The following FCRL3 variants were observed in gnomAD, a reference collection of about 807,000 sequenced individuals.
The protein encoded by FCRL3 is Fc receptor-like protein 3.
A neutral mutation model predicts 75.0 loss-of-function variants in FCRL3; 89 were observed. The observed-to-expected ratio is 1.19, with a 90% CI of 1.00 to 1.42. The LOEUF is 1.42. FCRL3 is among the 40% of genes most tolerant of loss of function. The pLI, the probability that FCRL3 is intolerant of heterozygous loss-of-function variation, is 0.00. For synonymous variants in FCRL3, 376 were observed against 348.5 expected (o/e 1.08, Z -0.88); for missense variants, 946 against 880.0 (o/e 1.07, Z -0.95).
intron 10 of FCRL3, among the ~76,000 whole-genome samples, chr1:157,689,382 T>C (rs1279614978): frequency 6.6e-6 from 1 of 152,236 alleles, no homozygotes; most frequent in African/African-American, 2.4e-5. Context: ...AATTGAATTT[T>C]TAATCTCATT....
chr1:157,699,542 A>C, intron 3 of FCRL3, 150 bp downstream of exon 3: 1 of 630,458 alleles, frequency 1.6e-6, no homozygotes, highest in Non-Finnish European at 2.6e-6. Context: ...AAGTCGGAGG[A>C]GGCTCTGTTC....
At chr1:157,683,834 C>T (rs983271696) in intron 10 of FCRL3, among the ~76,000 whole-genome samples, 12 of 152,178 alleles carry the variant, frequency 7.9e-5, no homozygotes, top group African/African-American at 2.9e-4. Flanking sequence ...TATCTTTCTT[C>T]CAGAGCTGTC....
intron 10 of FCRL3, among the ~76,000 whole-genome samples, chr1:157,685,932 A>G (rs770547324): frequency 6.6e-6 from 1 of 152,134 alleles, no homozygotes; most frequent in Admixed American, 6.6e-5. Flanking sequence ...CATGTCCACT[A>G]TCACTACGCC....
Position 157,678,202 on chromosome 1 carries a change from C to A in FCRL3, c.*508G>T, listed in dbSNP as rs1329363160. ...AAAAATACACTTCAGATAGAGTCAC[C>A]TTAAATTCTTGTTCTATAACTTCTT... On this transcript the variant is annotated 3_prime_UTR_variant, in exon 15 of 15. Transcript: ENST00000368184. 3 of 987,186 alleles carry A rather than the reference C, an allele frequency of 3.0e-6. No homozygotes were observed. Among genetic ancestry groups the A allele is most frequent in the Non-Finnish European group, 3.6e-6 (3 of 831,304 alleles). The allele number at this position is 987,186 out of a possible 1,614,324, so 61.2% of individuals were successfully genotyped here.
intron 2 of FCRL3, 95 bp downstream of exon 2, chr1:157,700,364 A>T (rs1025881009): frequency 1.3e-6 from 2 of 1,582,140 alleles, no homozygotes; most frequent in Non-Finnish European, 1.7e-6. Context: ...CTGTCTCTGA[A>T]CCCCAAGTAG....
At chr1:157,698,844 G>A (rs1373197637) in intron 3 of FCRL3, among the ~76,000 whole-genome samples, 2 of 152,216 alleles carry the variant, frequency 1.3e-5, no homozygotes, top group Non-Finnish European at 2.9e-5. Context: ...GTATTATAGG[G>A]GAGAGGTCTC....
intron 3 of FCRL3, among the ~76,000 whole-genome samples, chr1:157,699,159 C>A (rs1656151542): frequency 6.6e-6 from 1 of 152,114 alleles, no homozygotes. Flanking sequence ...ACACAGTAAA[C>A]AATGGAGGGA....
chr1:157,676,658 T>A lies in FCRL3; in HGVS notation c.*2052A>T, dbSNP rs1306333034. The A allele has an allele frequency of 1.4e-6, 2 of 1,467,210 alleles. No homozygotes were observed. Among genetic ancestry groups the A allele is most frequent in the African/African-American group, 2.8e-5 (2 of 71,104 alleles). 90.9% of individuals were successfully genotyped at this position (1,467,210 alleles called of 1,614,324 possible). On this transcript the variant is annotated 3_prime_UTR_variant, in exon 15 of 15. Transcript: ENST00000368184. ...ATTTGCACATTTGTTATATCCGAGATGTACAGTTAGGACTCACCCCTTCTT... is the reference window on the plus strand; with the variant it reads ...ATTTGCACATTTGTTATATCCGAGAAGTACAGTTAGGACTCACCCCTTCTT...
rs566174664 is a variant in FCRL3, at chr1:157,685,061, A to G, written c.1811-1817T>C. ...ATAACACTTCCCCTAAGTCTGGGGGACAGACCACCTGGGCTTCTGTTCACA... is the reference window on the plus strand; with the variant it reads ...ATAACACTTCCCCTAAGTCTGGGGGGCAGACCACCTGGGCTTCTGTTCACA... On this transcript the variant is annotated intron_variant, in intron 10 of 14. Coordinates refer to ENST00000368184, the MANE Select transcript of FCRL3 (RefSeq NM_052939.4). Among the ~76,000 whole-genome samples the G allele has an allele frequency of 2.6e-5, 4 of 152,066 alleles. No individual in the cohort carries two copies. In the South Asian group the frequency reaches 8.4e-4, roughly 32 times the overall value.
At position 157,689,650 on chromosome 1, in the gene FCRL3, A is replaced by G. The variant is rs114125696; in HGVS notation, c.1810+148T>C. On this transcript the variant is annotated intron_variant, in intron 10 of 14. Transcript: ENST00000368184. ...AGAAGTTTATTCTATTGTTTTTGCT[A>G]CAATTGCCTACAGAGTGACAGTGAG... The G allele has an allele frequency of 2.2e-3, 2,228 of 1,011,664 alleles. 40 individuals carry two copies. The African/African-American group carries it at 0.031, about 14-fold the overall frequency. The allele number at this position is 1,011,664 out of a possible 1,614,324, so 62.7% of individuals were successfully genotyped here.
Position 157,677,681 on chromosome 1 carries a change from G to A in FCRL3, c.*1029C>T, listed in dbSNP as rs1571181581. 4.9e-6 allele frequency: 4 copies of A among 814,174 alleles called. No homozygotes were observed. Among genetic ancestry groups the A allele is most frequent in the East Asian group, 1.2e-4 (1 of 8,012 alleles). 50.4% of individuals were successfully genotyped at this position (814,174 alleles called of 1,614,324 possible). ...AAAAACAAATGAACTATAGCAACAC[G>A]CAACAATATGGATGAATCTTAGAAA... is the stretch of plus-strand genomic sequence containing the variant. On this transcript the variant is annotated 3_prime_UTR_variant, in exon 15 of 15. Coordinates refer to ENST00000368184, the MANE Select transcript of FCRL3 (RefSeq NM_052939.4).
In FCRL3 at chr1:157,677,365, G is replaced by A. The variant is rs1654525617; in HGVS notation, c.*1345C>T. The A allele has an allele frequency of 2.0e-6, 2 of 985,908 alleles. No individual in the cohort carries two copies. Among genetic ancestry groups the A allele is most frequent in the Non-Finnish European group, 2.4e-6 (2 of 830,294 alleles). 61.1% of individuals were successfully genotyped at this position (985,908 alleles called of 1,614,324 possible). On this transcript the variant is annotated 3_prime_UTR_variant, in exon 15 of 15. Coordinates refer to ENST00000368184, the MANE Select transcript of FCRL3 (RefSeq NM_052939.4). ...AGAAATATTGATTAGAGGAAGATGT[G>A]GTGCTTTGAAAGGGACTTGGTGTTC... is the stretch of plus-strand genomic sequence containing the variant.
Position 157,676,744 on chromosome 1 carries a change from C to T in FCRL3, c.*1966G>A, listed in dbSNP as rs777023237. 7.2e-5 allele frequency: 112 copies of T among 1,550,268 alleles called. 1 individual carries two copies. Among genetic ancestry groups the T allele is most frequent in the Admixed American group, 5.7e-4 (29 of 50,966 alleles). The stretch of plus-strand genomic sequence containing the variant: ...TTACAAAGACATGGAAAATCTTGAA[C>T]TTTGTTCTTTCTTGGGTTCAGAATC... On this transcript the variant is annotated 3_prime_UTR_variant, in exon 15 of 15. Transcript: ENST00000368184.
chr1:157,699,771 A>T, intron 2 of FCRL3, 59 bp from the exon 3 acceptor site: 1 of 1,572,922 alleles, frequency 6.4e-7, no homozygotes, highest in Non-Finnish European at 8.7e-7. Flanking sequence ...TAACAACCTA[A>T]CCACAACCAC....
chr1:157,683,887 C>G (rs931984803), intron 10 of FCRL3, among the ~76,000 whole-genome samples: 1 of 152,168 alleles, frequency 6.6e-6, no homozygotes, highest in Non-Finnish European at 1.5e-5. Context: ...TCTCCATGCA[C>G]ATAAGACCAT....
At chr1:157,695,048 C>T (rs1233095363) in intron 8 of FCRL3, among the ~76,000 whole-genome samples, 1 of 151,842 alleles carries the variant, frequency 6.6e-6, no homozygotes, top group Non-Finnish European at 1.5e-5. Context: ...TGACCCATCA[C>T]GTGTTTGGTA....
intron 8 of FCRL3, 122 bp from the exon 9 acceptor site, chr1:157,690,655 G>T (rs1380248734): frequency 1.6e-6 from 2 of 1,240,384 alleles, no homozygotes; most frequent in African/African-American, 1.5e-5. Context: ...GGAGAACCTG[G>T]GCTTCAATCC....
Position 157,680,695 on chromosome 1 carries a change from A to G in FCRL3, c.2026+7T>C, listed in dbSNP as rs375457663. ...CCTCACCTCTATTTGCCTGAAAGGC[A>G]TCTTACCTGAGTTTTCTTTTGTATG... is the stretch of plus-strand genomic sequence containing the variant. On this transcript the variant is annotated splice_region_variant and intron_variant, in intron 13 of 14. Transcript: ENST00000368184. The G allele has an allele frequency of 3.1e-6, 5 of 1,613,614 alleles. No individual in the cohort carries two copies. The highest frequency in any genetic ancestry group is 1.1e-5 in the South Asian group (1 of 91,072).
chr1:157,695,509 G>C lies in FCRL3; in HGVS notation c.1231C>G (p.Pro411Ala), dbSNP rs758903910. 1.2e-6 allele frequency: 2 copies of C among 1,614,182 alleles called. No homozygotes were observed. Among genetic ancestry groups the C allele is most frequent in the Non-Finnish European group, 8.5e-7 (1 of 1,180,024 alleles). Reference protein sequence around the residue: ...ELHCESLRGSPPILYRFYHED... With the variant: ...ELHCESLRGSAPILYRFYHED... ...TGATAAAATCGGTACAGGATCGGGG[G>C]AGAGCCTCTCAGGGACTCACAGTGA... Residue 411 changes from proline (P) to alanine (A), a missense_variant, in exon 8 of 15, where the codon CCC becomes GCC. Physicochemically the swap from Pro to Ala is conservative, Grantham distance 27 (BLOSUM62 -1). Coordinates refer to ENST00000368184, the MANE Select transcript of FCRL3 (RefSeq NM_052939.4).
Sources: allele counts gnomAD v4.1 joint callset (sites outside exome capture counted in the v4.1 genomes callset), GRCh38; gene constraint gnomAD v4.1.1; transcripts MANE v1.5; gene names NCBI Gene and HGNC (gene_info 2026-07-23, HGNC 2026-07-21).